ATF7: variants seen among roughly 807,000 people sequenced by gnomAD.
The protein encoded by ATF7 is activating transcription factor 7.
Under a neutral mutation model 50.4 loss-of-function variants are expected in ATF7, and 10 were observed. That is an observed-to-expected ratio of 0.20 (90% CI 0.12 to 0.34). The LOEUF (loss-of-function observed/expected upper bound fraction) is 0.34, where lower values mean the gene tolerates loss of function less well. ATF7 is among the 10% of genes least tolerant of loss of function. The probability of loss-of-function intolerance (pLI) is 1.00; values close to 1 mark genes in which losing one functional copy is unlikely to be tolerated. For missense variants in ATF7, 465 were observed against 613.9 expected (o/e 0.76, Z 2.56); for synonymous variants, 201 against 226.4 (o/e 0.89, Z 1.01).
At chr12:53,519,642 T>G (rs11170569) in intron 11 of ATF7, among the ~76,000 whole-genome samples, 19,729 of 152,202 alleles carry the variant, frequency 0.13, 1,358 homozygotes, top group African/African-American at 0.15. Context: ...TTTAATGGAT[T>G]AACTATGTAT....
At chr12:53,616,893 C>A (rs1413142117) in intron 1 of ATF7, among the ~76,000 whole-genome samples, 1 of 146,572 alleles carries the variant, frequency 6.8e-6, no homozygotes, top group Non-Finnish European at 1.5e-5. Context: ...TGCAGTGAGC[C>A]GAGACCATGC....
chr12:53,538,613 G>A (rs1037546704), intron 4 of ATF7, among the ~76,000 whole-genome samples: 1 of 152,140 alleles, frequency 6.6e-6, no homozygotes, highest in African/African-American at 2.4e-5. Context: ...TAATGGCCTT[G>A]ACACTGAACC....
chr12:53,553,832 C>A (rs537169456), intron 2 of ATF7, among the ~76,000 whole-genome samples: 6 of 152,130 alleles, frequency 3.9e-5, no homozygotes, highest in Non-Finnish European at 7.4e-5. Context: ...AAATACTATA[C>A]GTTTAGCCTT....
intron 2 of ATF7, among the ~76,000 whole-genome samples, chr12:53,563,979 T>A (rs1213753361): frequency 6.6e-6 from 1 of 152,184 alleles, no homozygotes. Context: ...TATGCTAGAG[T>A]TATACTGCTG....
At chr12:53,534,252 G>A (rs916605526) in intron 6 of ATF7, among the ~76,000 whole-genome samples, 2 of 152,030 alleles carry the variant, frequency 1.3e-5, no homozygotes, top group African/African-American at 4.8e-5. Flanking sequence ...ACTCCAGCCT[G>A]GGCGACAGAG....
At chr12:53,577,454 T>C (rs759315246) in intron 2 of ATF7, among the ~76,000 whole-genome samples, 3 of 151,830 alleles carry the variant, frequency 2.0e-5, no homozygotes, top group Non-Finnish European at 4.4e-5. Flanking sequence ...CGGTGGCTCA[T>C]TCCTGTAATC....
At chr12:53,531,223 C>T (rs1938859357) in intron 9 of ATF7, among the ~76,000 whole-genome samples, 1 of 151,808 alleles carries the variant, frequency 6.6e-6, no homozygotes, top group Non-Finnish European at 1.5e-5. Flanking sequence ...GAGTTGGAGA[C>T]CAGCCTGGCC....
chr12:53,576,619 T>A (rs1476879017), intron 2 of ATF7, among the ~76,000 whole-genome samples: 1 of 152,148 alleles, frequency 6.6e-6, no homozygotes, highest in Non-Finnish European at 1.5e-5. Flanking sequence ...GCAGCCCTTG[T>A]GAGATAACCA....
At chr12:53,562,425 A>T (rs1048920436) in intron 2 of ATF7, among the ~76,000 whole-genome samples, 1 of 152,156 alleles carries the variant, frequency 6.6e-6, no homozygotes, top group Non-Finnish European at 1.5e-5. Flanking sequence ...AGATCACCTG[A>T]GGTCAGGAAT....
In ATF7 at chr12:53,523,389, G is replaced by A. The variant is rs373769515; in HGVS notation, c.1126-5C>T. 1.8e-5 allele frequency: 28 copies of A among 1,599,542 alleles called. No homozygotes were observed. The African/African-American group carries it at 3.1e-4, about 18-fold the overall frequency. On this transcript the variant is annotated splice_region_variant and splice_polypyrimidine_tract_variant and intron_variant, in intron 10 of 11. Transcript: ENST00000420353. ...GCGTAGTAATGTGACTTCATTCTGA[G>A]GAGGGAGGGAAGAAAAGAGTATCAA... is the stretch of plus-strand genomic sequence containing the variant.
At chr12:53,510,351 C>T (rs555594798), downstream of ATF7, among the ~76,000 whole-genome samples, 1 of 152,094 alleles carries the variant, frequency 6.6e-6, no homozygotes, top group Non-Finnish European at 1.5e-5. Context: ...TTTACCACTT[C>T]TTAAAAGGGA....
intron 5 of ATF7, 91 bp downstream of exon 5, chr12:53,537,324 C>T (rs1057151375): frequency 1.1e-4 from 164 of 1,468,818 alleles, no homozygotes; most frequent in Middle Eastern, 2.5e-4. Context: ...CCATCTTGGC[C>T]TCCTGAGTAG....
At chr12:53,531,951 G>T in intron 8 of ATF7, 55 bp from the exon 9 acceptor site, 1 of 1,589,806 alleles carries the variant, frequency 6.3e-7, no homozygotes, top group South Asian at 1.1e-5. Context: ...TATCAAGGAT[G>T]AGAAGAGTGG....
intron 8 of ATF7, 37 bp downstream of exon 8, chr12:53,532,473 G>C (rs769142344): frequency 6.7e-7 from 1 of 1,492,190 alleles, no homozygotes; most frequent in South Asian, 1.2e-5. Flanking sequence ...ACTTCTTTCA[G>C]AAAGGCCAAC....
At chr12:53,604,055 C>T (rs1943506840) in intron 1 of ATF7, among the ~76,000 whole-genome samples, 2 of 152,198 alleles carry the variant, frequency 1.3e-5, no homozygotes, top group Non-Finnish European at 2.9e-5. Context: ...TCATCTCCTT[C>T]CCAACCTATT....
At chr12:53,595,440 C>A (rs1943115026) in intron 2 of ATF7, among the ~76,000 whole-genome samples, 1 of 152,152 alleles carries the variant, frequency 6.6e-6, no homozygotes. Flanking sequence ...GATCCAGAGT[C>A]CCACAGTACC....
rs373989868 is a variant in ATF7 at position 53,543,572 on chromosome 12, C to T, written c.146-124G>A. 31 of 1,122,020 alleles carry T rather than the reference C, an allele frequency of 2.8e-5. No individual in the cohort carries two copies. In the South Asian group the frequency reaches 4.8e-4, roughly 18 times the overall value. The allele number at this position is 1,122,020 out of a possible 1,614,324, so 69.5% of individuals were successfully genotyped here. A position where few individuals can be genotyped will look rare whatever the true frequency, so the allele number is the denominator to read the frequency against. On this transcript the variant is annotated intron_variant, in intron 3 of 11. Coordinates refer to ENST00000420353, the MANE Select transcript of ATF7 (RefSeq NM_006856.3). ...TGGAGAGAGAGTCTTTGTGTTAGGG[C>T]AAATTTGCTTTAATGGAGCTCTAGT...
chr12:53,624,435 G>C (rs2137965011), intron 1 of ATF7, among the ~76,000 whole-genome samples: 1 of 152,298 alleles, frequency 6.6e-6, no homozygotes, highest in East Asian at 1.9e-4. Flanking sequence ...GAATGTAAAA[G>C]CAAAATCTAC....
intron 2 of ATF7, among the ~76,000 whole-genome samples, chr12:53,583,755 T>A (rs1328547390): frequency 6.6e-6 from 1 of 152,084 alleles, no homozygotes; most frequent in East Asian, 1.9e-4. Context: ...CAAGAAAATG[T>A]AAAGACAAGC....
Sources: gnomAD v4.1 joint callset for allele counts (sites outside exome capture counted in the v4.1 genomes callset) on GRCh38, gnomAD v4.1.1 for gene constraint, MANE v1.5 for transcripts, NCBI Gene and HGNC (gene_info 2026-07-23, HGNC 2026-07-21) for gene names.